The following XDH variants were observed in gnomAD, a reference collection of about 807,000 sequenced individuals.
The protein encoded by XDH is xanthine dehydrogenase, also known as xanthine dehydrogenase/oxidase.
XDH carries 138 observed loss-of-function variants against 156.1 expected under a neutral mutation model. That is an observed-to-expected ratio of 0.88 (90% CI 0.77 to 1.02). The LOEUF is 1.02. Ranked by LOEUF, XDH falls within the 50% of genes least tolerant of loss-of-function variation. The pLI is 0.00. For synonymous variants in XDH, 669 were observed against 625.7 expected, an observed-to-expected ratio of 1.07 and a Z score of -1.03; for missense variants, 1,849 against 1,684.9, an observed-to-expected ratio of 1.10 and a Z score of -1.71.
intron 6 of XDH, among the ~76,000 whole-genome samples, chr2:31,394,860 C>A (rs189886265): frequency 6.6e-6 from 1 of 152,150 alleles, no homozygotes; most frequent in Non-Finnish European, 1.5e-5. Context: ...TTGTTATAAG[C>A]GTTTTCAATC....
intron 28 of XDH, among the ~76,000 whole-genome samples, chr2:31,347,976 G>A (rs1247558503): frequency 1.3e-5 from 2 of 152,324 alleles, no homozygotes; most frequent in East Asian, 1.9e-4. Flanking sequence ...CCACTCCGAG[G>A]AGTCTTGGAA....
intron 6 of XDH, 50 bp downstream of exon 6, chr2:31,397,618 T>G: frequency 2.5e-6 from 4 of 1,609,968 alleles, no homozygotes; most frequent in Non-Finnish European, 3.4e-6. Flanking sequence ...GATTTCTGAG[T>G]GTTGCCATTT....
At chr2:31,392,418 TA>T in intron 6 of XDH, among the ~76,000 whole-genome samples, 1 of 151,336 alleles carries the variant, frequency 6.6e-6, no homozygotes, top group South Asian at 2.1e-4. Context: ...TTATTTTTAT[TA>T]TTTATTTATT....
Position 31,354,741 on chromosome 2 carries a change from T to A in XDH, c.2632-4518A>T, listed in dbSNP as rs926876150. ...AAGATATATTATCCAGTCTGAACTA[T>A]ATTGAGAATATGGAATGAAAAAAAA... On this transcript the variant is annotated intron_variant, in intron 24 of 35. Transcript: ENST00000379416. Among the ~76,000 whole-genome samples, 48 of 152,158 alleles carry A rather than the reference T, an allele frequency of 3.2e-4. 2 individuals are homozygous for A. Among genetic ancestry groups the A allele is most frequent in the Admixed American group, 3.1e-3 (48 of 15,282 alleles).
chr2:31,383,695 C>A (rs1040364681), intron 10 of XDH, 60 bp downstream of exon 10: 9 of 1,538,622 alleles, frequency 5.8e-6, no homozygotes, highest in African/African-American at 1.4e-5. Context: ...TGCCACCCAC[C>A]TTGTAACCTA....
intron 3 of XDH, 80 bp from the exon 4 acceptor site, chr2:31,401,408 C>G: frequency 7.0e-7 from 1 of 1,418,674 alleles, no homozygotes; most frequent in African/African-American, 1.4e-5. Flanking sequence ...CTCTGGAGGA[C>G]TTTGTGAGGC....
intron 23 of XDH, among the ~76,000 whole-genome samples, chr2:31,365,181 T>C (rs1468926171): frequency 6.6e-6 from 1 of 152,220 alleles, no homozygotes; most frequent in African/African-American, 2.4e-5. Flanking sequence ...CTGAGTATGC[T>C]GGTGAATCAT....
In XDH at chr2:31,365,440, G is replaced by C. The variant is rs769785818; in HGVS notation, c.2544+17C>G. Reference sequence around the variant, plus strand: ...AAATGGCTCATCCCGCCCCAGCACAGCCCCAACATCTAGAACCTTGTATCT... The same window carrying C: ...AAATGGCTCATCCCGCCCCAGCACACCCCCAACATCTAGAACCTTGTATCT... On this transcript the variant is annotated intron_variant, in intron 23 of 35. Coordinates refer to ENST00000379416, the MANE Select transcript of XDH (RefSeq NM_000379.4). 2.5e-6 allele frequency: 4 copies of C among 1,613,856 alleles called. No individual in the cohort carries two copies. The highest frequency in any genetic ancestry group is 2.2e-5 in the South Asian group (2 of 91,076).
chr2:31,393,947 T>C (rs1686838313), intron 6 of XDH, among the ~76,000 whole-genome samples: 1 of 152,110 alleles, frequency 6.6e-6, no homozygotes, highest in Non-Finnish European at 1.5e-5. Flanking sequence ...CCCTCTTGTT[T>C]ATTTTATCAT....
rs1413582774 is a variant in XDH, at chr2:31,379,908, C to T, written c.1201G>A (p.Glu401Lys). 6.2e-7 allele frequency: 1 copy of T among 1,614,182 alleles called. No individual in the cohort carries two copies. Among genetic ancestry groups the T allele is most frequent in the Non-Finnish European group, 8.5e-7 (1 of 1,180,022 alleles). ...ATCTCTATGGAGAGCAGTATCTCCT[C>T]CGGGCTCAGCAGGGTCTTTCTGTAG... ...PGYRKTLLSP[E>K]EILLSIEIPY... The change falls in exon 13 of 36, where the codon GAG becomes AAG. Residue 401 changes from glutamate to lysine, a missense_variant. Glu to Lys is a moderately conservative substitution (Grantham distance 56). Transcript: ENST00000379416.
chr2:31,335,768 A>G lies in XDH; in HGVS notation c.*190T>C, dbSNP rs1010775466. On this transcript the variant is annotated 3_prime_UTR_variant, in exon 36 of 36. Coordinates refer to ENST00000379416, the MANE Select transcript of XDH (RefSeq NM_000379.4). ...AGGCATAACAGTTTTGAATTTGCTT[A>G]TCATTGTGTTTACAAATTACATTTT... 1.0e-5 allele frequency: 7 copies of G among 670,558 alleles called. No homozygotes were observed. The highest frequency in any genetic ancestry group is 1.8e-5 in the African/African-American group (1 of 55,766). 41.5% of individuals were successfully genotyped at this position (670,558 alleles called of 1,614,324 possible).
At chr2:31,392,234 C>T (rs1314892640) in intron 6 of XDH, among the ~76,000 whole-genome samples, 2 of 151,366 alleles carry the variant, frequency 1.3e-5, no homozygotes, top group Non-Finnish European at 2.9e-5. Context: ...TTTCATTGAT[C>T]TTTTTAAGGA....
intron 24 of XDH, among the ~76,000 whole-genome samples, chr2:31,359,749 G>A (rs985380357): frequency 1.2e-4 from 19 of 152,210 alleles, no homozygotes; most frequent in Non-Finnish European, 1.6e-4. Context: ...CTGAGTTAGA[G>A]TTGGGAATGT....
chr2:31,343,778 A>G (rs1294703706), intron 31 of XDH, among the ~76,000 whole-genome samples: 1 of 149,284 alleles, frequency 6.7e-6, no homozygotes, highest in Non-Finnish European at 1.5e-5. Flanking sequence ...TTGTGTGTAT[A>G]TATGTTTATG....
At chr2:31,342,153 CT>C in intron 32 of XDH, 29 bp downstream of exon 32, 1 of 1,583,864 alleles carries the variant, frequency 6.3e-7, no homozygotes, top group East Asian at 2.2e-5. Flanking sequence ...CTCTTTCCCA[CT>C]AAGTACTAAA....
intron 1 of XDH, among the ~76,000 whole-genome samples, chr2:31,414,048 C>T (rs1297505638): frequency 6.6e-6 from 1 of 151,794 alleles, no homozygotes; most frequent in Non-Finnish European, 1.5e-5. Context: ...GGGGGGAATG[C>T]AGGAGATGCC....
intron 15 of XDH, among the ~76,000 whole-genome samples, chr2:31,374,357 G>C (rs957866582): frequency 6.6e-6 from 1 of 152,194 alleles, no homozygotes; most frequent in Non-Finnish European, 1.5e-5. Context: ...TGGAAGCAAA[G>C]GGGGATTTAA....
chr2:31,363,641 T>A (rs1030090699), intron 24 of XDH, among the ~76,000 whole-genome samples: 5 of 152,278 alleles, frequency 3.3e-5, no homozygotes, highest in Admixed American at 6.5e-5. Context: ...AACCATTTTT[T>A]AAAAAGCAAT....
chr2:31,347,663 A>G lies in XDH; in HGVS notation c.3148-13T>C. 2 of 1,612,926 alleles carry G rather than the reference A, an allele frequency of 1.2e-6. No individual in the cohort carries two copies. The highest frequency in any genetic ancestry group is 1.7e-5 in the Admixed American group (1 of 59,946). ...CTCTACTGGCCACCTGCGAAAAGAG[A>G]AGACATTGCCCTCTAGGGAAGGGGT... On this transcript the variant is annotated splice_polypyrimidine_tract_variant and intron_variant, in intron 28 of 35. Transcript: ENST00000379416.
Sources: allele counts gnomAD v4.1 joint callset (sites outside exome capture counted in the v4.1 genomes callset), GRCh38; gene constraint gnomAD v4.1.1; transcripts MANE v1.5; gene names NCBI Gene and HGNC (gene_info 2026-07-23, HGNC 2026-07-21).